Variants in DEFB123 observed in about 807,000 individuals in gnomAD.
The protein encoded by DEFB123 is defensin beta 123, also known as beta-defensin 123.
For synonymous variants in DEFB123, 22 were observed against 28.3 expected (o/e 0.78, Z 0.71); for missense variants, 71 against 75.0 (o/e 0.95, Z 0.20).
At chr20:31,445,604 A>G (rs1344357036) in intron 1 of DEFB123, among the ~76,000 whole-genome samples, 1 of 152,108 alleles carries the variant, frequency 6.6e-6, no homozygotes, top group Non-Finnish European at 1.5e-5. Context: ...CAGTGGCGTG[A>G]TCTTGACTCA....
chr20:31,446,494 GT>G (rs1369871058), intron 1 of DEFB123, among the ~76,000 whole-genome samples: 1 of 152,188 alleles, frequency 6.6e-6, no homozygotes, highest in African/African-American at 2.4e-5. Flanking sequence ...CAAATACAAA[GT>G]TTCCGAGAGT....
chr20:31,443,760 G>A (rs1216106901), intron 1 of DEFB123, among the ~76,000 whole-genome samples: 3 of 152,138 alleles, frequency 2.0e-5, no homozygotes, highest in South Asian at 2.1e-4. Flanking sequence ...CTGCTGCTGC[G>A]GGAGCTGGAT....
chr20:31,441,455 G>A (rs1010731456), intron 1 of DEFB123, among the ~76,000 whole-genome samples: 2 of 152,126 alleles, frequency 1.3e-5, no homozygotes, highest in Admixed American at 1.3e-4. Flanking sequence ...GCGGGAGAGA[G>A]CATGGGAGTG....
intron 1 of DEFB123, among the ~76,000 whole-genome samples, chr20:31,445,081 C>T (rs140041831): frequency 1.8e-3 from 280 of 152,310 alleles, no homozygotes; most frequent in African/African-American, 6.4e-3. Context: ...TGATCTATAA[C>T]TTTCCACAAT....
intron 1 of DEFB123, among the ~76,000 whole-genome samples, chr20:31,443,739 C>A (rs1979520526): frequency 6.6e-6 from 1 of 152,228 alleles, no homozygotes; most frequent in Admixed American, 6.5e-5. Context: ...GCAGGGCTCT[C>A]AGGCCCACTG....
At chr20:31,442,412 G>C (rs1163257397) in intron 1 of DEFB123, among the ~76,000 whole-genome samples, 1 of 152,102 alleles carries the variant, frequency 6.6e-6, no homozygotes. Flanking sequence ...ATGGGTGCTA[G>C]AGGTAGAACT....
At chr20:31,449,882 G>C (rs570038821) in intron 1 of DEFB123, 147 bp from the exon 2 acceptor site, 9 of 1,025,598 alleles carry the variant, frequency 8.8e-6, no homozygotes, top group Non-Finnish European at 1.2e-5. Flanking sequence ...CAGAGTAAAG[G>C]AAAAACAGTG....
At position 31,441,509 on chromosome 20, in the gene DEFB123, G is replaced by A. The variant is rs2236172; in HGVS notation, c.58+753G>A. Among the ~76,000 whole-genome samples the A allele has an allele frequency of 3.6e-3, 546 of 152,116 alleles. 4 individuals are homozygous for A. The East Asian group carries it at 0.045, about 12-fold the overall frequency. ...TGGAGGGGTGGGTTAGGAGAGAGGC[G>A]GGGGTAAAGCTGAGGAAGCATTCAA... On this transcript the variant is annotated intron_variant, in intron 1 of 1. Transcript: ENST00000376309.
At chr20:31,440,870 G>GGCAGGAGGCGCCTCACCAGCA (rs1979447846) in intron 1 of DEFB123, 114 bp downstream of exon 1, 14 of 1,269,996 alleles carry the variant, frequency 1.1e-5, no homozygotes, top group Non-Finnish European at 4.5e-6. Flanking sequence ...ACGTATAGGA[G>GGCAGGAGGCGCCTCACCAGCA]GCAGGAGGCG....
intron 1 of DEFB123, among the ~76,000 whole-genome samples, chr20:31,448,800 C>G (rs1979658131): frequency 1.3e-5 from 2 of 152,052 alleles, no homozygotes; most frequent in Non-Finnish European, 2.9e-5. Flanking sequence ...CAACCTCCAC[C>G]TCCCAGGTTC....
At chr20:31,440,872 C>T (rs561833812) in intron 1 of DEFB123, 116 bp downstream of exon 1, 4 of 1,217,638 alleles carry the variant, frequency 3.3e-6, no homozygotes, top group Non-Finnish European at 4.7e-6. Context: ...GTATAGGAGG[C>T]AGGAGGCGCC....
At chr20:31,448,986 C>A (rs564290046) in intron 1 of DEFB123, among the ~76,000 whole-genome samples, 1 of 151,930 alleles carries the variant, frequency 6.6e-6, no homozygotes, top group South Asian at 2.1e-4. Context: ...CCTTGGCCTC[C>A]CAAAGTGCTG....
intron 1 of DEFB123, 31 bp downstream of exon 1, chr20:31,440,787 G>A (rs759800302): frequency 6.2e-7 from 1 of 1,611,630 alleles, no homozygotes; most frequent in South Asian, 1.1e-5. Flanking sequence ...GAAGGGGCAG[G>A]GCTTAGAGAC....
chr20:31,448,128 TG>T (rs1979638934), intron 1 of DEFB123, among the ~76,000 whole-genome samples: 1 of 151,818 alleles, frequency 6.6e-6, no homozygotes, highest in Non-Finnish European at 1.5e-5. Flanking sequence ...TCACCTAGGC[TG>T]GTCTCAAACT....
chr20:31,448,811 A>C (rs952008319), intron 1 of DEFB123, among the ~76,000 whole-genome samples: 2 of 151,928 alleles, frequency 1.3e-5, no homozygotes, highest in African/African-American at 4.8e-5. Context: ...TCCCAGGTTC[A>C]AGCGATTCTC....
chr20:31,441,800 A>G (rs1018010615), intron 1 of DEFB123, among the ~76,000 whole-genome samples: 1 of 152,156 alleles, frequency 6.6e-6, no homozygotes, highest in Admixed American at 6.5e-5. Context: ...TGGAGTAGGG[A>G]GGAAAGCCCA....
intron 1 of DEFB123, among the ~76,000 whole-genome samples, chr20:31,443,330 AG>A (rs1979511324): frequency 6.6e-6 from 1 of 152,182 alleles, no homozygotes; most frequent in African/African-American, 2.4e-5. Flanking sequence ...GCCAGAGACA[AG>A]GGAACCTGGG....
intron 1 of DEFB123, among the ~76,000 whole-genome samples, chr20:31,446,326 C>T (rs1979584348): frequency 6.6e-6 from 1 of 152,192 alleles, no homozygotes; most frequent in African/African-American, 2.4e-5. Flanking sequence ...ATCCTGTTTC[C>T]ATGGAAAGTA....
At chr20:31,446,561 C>T (rs1333445973) in intron 1 of DEFB123, among the ~76,000 whole-genome samples, 1 of 152,200 alleles carries the variant, frequency 6.6e-6, no homozygotes, top group Non-Finnish European at 1.5e-5. Context: ...AATTAACAAA[C>T]GCAGTTTCAC....
Sources: allele counts gnomAD v4.1 joint callset (sites outside exome capture counted in the v4.1 genomes callset), GRCh38; gene constraint gnomAD v4.1.1; transcripts MANE v1.5; gene names NCBI Gene and HGNC (gene_info 2026-07-23, HGNC 2026-07-21).